The following MYO6 variants were observed in gnomAD, a reference collection of about 807,000 sequenced individuals.
MYO6 encodes myosin VI, also known as unconventional myosin-VI.
In MYO6, 74 loss-of-function variants were observed where a neutral mutation model predicts 178.7. That is an observed-to-expected ratio of 0.41 (90% CI 0.34 to 0.50). MYO6 has a LOEUF of 0.50. Ranked by LOEUF, MYO6 falls within the 20% of genes least tolerant of loss-of-function variation. The pLI is 0.09. For missense variants in MYO6, 1,330 were observed against 1,547.4 expected, an observed-to-expected ratio of 0.86 and a Z score of 2.36; for synonymous variants, 477 against 504.6, an observed-to-expected ratio of 0.95 and a Z score of 0.73.
At position 75,775,091 on chromosome 6, in the gene MYO6, G is replaced by A. The variant is rs1158783637; in HGVS notation, c.-48+25668G>A. Among the ~76,000 whole-genome samples the A allele has an allele frequency of 4.6e-5, 7 of 152,246 alleles. No homozygotes were observed. The East Asian group carries it at 9.7e-4, about 21-fold the overall frequency. ...TTTCAGGTGTGAGCCACCACGTCCG[G>A]TGAGAAATTATTTTATGTATACAAG... is the stretch of plus-strand genomic sequence containing the variant. On this transcript the variant is annotated intron_variant, in intron 1 of 34. Coordinates refer to ENST00000369977, the MANE Select transcript of MYO6 (RefSeq NM_004999.4).
chr6:75,844,942 GACAA>G lies in MYO6; in HGVS notation c.866_869del (p.Lys289ArgfsTer17), dbSNP rs749752357. 6 of 1,613,306 alleles carry G rather than the reference GACAA, an allele frequency of 3.7e-6. No homozygotes were observed. The highest frequency in any genetic ancestry group is 1.3e-5 in the African/African-American group (1 of 74,922). On this transcript the variant is annotated frameshift_variant, in exon 10 of 35. Coordinates refer to ENST00000369977, the MANE Select transcript of MYO6 (RefSeq NM_004999.4). LOFTEE classifies it high-confidence loss of function. ...TAGATACTTTGCTAACAAAGAAACT[GACAA>G]ACAGATTTTACAGAACCGCAAAAGT...
chr6:75,887,141 A>G (rs914256649), intron 25 of MYO6, 147 bp downstream of exon 25: 10 of 729,428 alleles, frequency 1.4e-5, no homozygotes, highest in Middle Eastern at 3.8e-4. Context: ...CATGCTCATC[A>G]TTATTACCTC....
At chr6:75,848,593 A>T in intron 11 of MYO6, 62 bp downstream of exon 11, 1 of 1,544,150 alleles carries the variant, frequency 6.5e-7, no homozygotes, top group South Asian at 1.2e-5. Flanking sequence ...TTTATTTGTC[A>T]TATGAAAATT....
In MYO6 at chr6:75,862,728, G is replaced by A. The variant is rs761306925; in HGVS notation, c.1674+5G>A. ...AAGGATCATTTTCGACTCACTGTGA[G>A]TTTTGCCATTCTGAAATTGAGACTA... On this transcript the variant is annotated splice_donor_5th_base_variant and intron_variant, in intron 16 of 34. Transcript: ENST00000369977. The A allele has an allele frequency of 1.9e-6, 3 of 1,613,870 alleles. No individual in the cohort carries two copies. Among genetic ancestry groups the A allele is most frequent in the Admixed American group, 3.3e-5 (2 of 60,002 alleles).
chr6:75,873,590 A>G (rs921061081), intron 20 of MYO6, among the ~76,000 whole-genome samples: 72 of 152,198 alleles, frequency 4.7e-4, no homozygotes, highest in African/African-American at 1.6e-3. Context: ...AGAAAAGAAA[A>G]GCATAGATGG....
intron 30 of MYO6, among the ~76,000 whole-genome samples, chr6:75,907,179 T>A (rs547815168): frequency 6.6e-6 from 1 of 152,354 alleles, no homozygotes; most frequent in Non-Finnish European, 1.5e-5. Flanking sequence ...GTGATCGCAC[T>A]GTGCAGCCTC....
chr6:75,903,579 C>T, intron 30 of MYO6, among the ~76,000 whole-genome samples: 1 of 152,018 alleles, frequency 6.6e-6, no homozygotes, highest in African/African-American at 2.4e-5. Context: ...CCATTTGCTT[C>T]ATAGATCTTC....
intron 1 of MYO6, among the ~76,000 whole-genome samples, chr6:75,786,469 T>C (rs1175323440): frequency 6.6e-6 from 1 of 152,228 alleles, no homozygotes; most frequent in Non-Finnish European, 1.5e-5. Flanking sequence ...CTAGAGATCA[T>C]GTTGGAGAGA....
chr6:75,915,448 G>T lies in MYO6; in HGVS notation c.*436G>T. On this transcript the variant is annotated 3_prime_UTR_variant, in exon 35 of 35. Transcript: ENST00000369977. ...TAACTAAACCACTTAAAATGATCAA[G>T]GCACTAATGTTTTGGTCTGAAAAGC... The T allele has an allele frequency of 5.7e-6, 1 of 175,742 alleles. No homozygotes were observed. 10.9% of individuals were successfully genotyped at this position (175,742 alleles called of 1,614,324 possible).
chr6:75,795,684 T>C (rs1768743848), intron 1 of MYO6, among the ~76,000 whole-genome samples: 1 of 152,240 alleles, frequency 6.6e-6, no homozygotes, highest in South Asian at 2.1e-4. Context: ...GAAACCTGAC[T>C]CCCACCTAAA....
intron 7 of MYO6, among the ~76,000 whole-genome samples, chr6:75,838,470 C>T (rs1773870785): frequency 6.6e-6 from 1 of 152,028 alleles, no homozygotes; most frequent in Non-Finnish European, 1.5e-5. Context: ...TTATTAGTAG[C>T]ATTAATATGA....
At chr6:75,764,650 C>G (rs1270386396) in intron 1 of MYO6, among the ~76,000 whole-genome samples, 3 of 152,048 alleles carry the variant, frequency 2.0e-5, no homozygotes, top group African/African-American at 7.2e-5. Flanking sequence ...CTCTTTTACA[C>G]ACTTAAAAAT....
intron 8 of MYO6, 134 bp from the exon 9 acceptor site, chr6:75,841,080 C>A (rs1274489508): frequency 1.2e-6 from 1 of 863,054 alleles, no homozygotes; most frequent in Non-Finnish European, 1.8e-6. Context: ...TTGTTTTTTC[C>A]CCTTTATTTG....
intron 1 of MYO6, among the ~76,000 whole-genome samples, chr6:75,800,756 C>T (rs2150116174): frequency 6.6e-6 from 1 of 152,104 alleles, no homozygotes. Context: ...GGTCTCACTC[C>T]ATTACCCAGG....
chr6:75,862,901 A>T (rs1275501501), intron 16 of MYO6, among the ~76,000 whole-genome samples, 178 bp downstream of exon 16: 1 of 152,174 alleles, frequency 6.6e-6, no homozygotes, highest in Non-Finnish European at 1.5e-5. Context: ...TATGATTTTT[A>T]TGTAGTCAAG....
intron 12 of MYO6, among the ~76,000 whole-genome samples, chr6:75,855,827 G>A (rs976091709): frequency 6.6e-6 from 1 of 151,970 alleles, no homozygotes; most frequent in African/African-American, 2.4e-5. Context: ...TTTGGTTTTG[G>A]TACTGTAGAA....
At chr6:75,874,306 G>T (rs1777390125) in intron 20 of MYO6, among the ~76,000 whole-genome samples, 1 of 152,292 alleles carries the variant, frequency 6.6e-6, no homozygotes, top group African/African-American at 2.4e-5. Flanking sequence ...TCTGCACAGG[G>T]TTGGTAGACA....
chr6:75,862,796 A>C, intron 16 of MYO6, 73 bp downstream of exon 16: 1 of 1,506,644 alleles, frequency 6.6e-7, no homozygotes, highest in Non-Finnish European at 9.2e-7. Context: ...TAGCTATTAG[A>C]TATTACTAGA....
chr6:75,818,190 G>A (rs1562202648), intron 2 of MYO6, among the ~76,000 whole-genome samples: 1 of 152,148 alleles, frequency 6.6e-6, no homozygotes, highest in East Asian at 1.9e-4. Context: ...TGTACACATG[G>A]TATTTATTTC....
Sources: allele counts gnomAD v4.1 joint callset (sites outside exome capture counted in the v4.1 genomes callset), GRCh38; gene constraint gnomAD v4.1.1; transcripts MANE v1.5; gene names NCBI Gene and HGNC (gene_info 2026-07-23, HGNC 2026-07-21).